The following TMEM192 variants were observed in gnomAD, a reference collection of about 807,000 sequenced individuals.
TMEM192 encodes transmembrane protein 192.
TMEM192 carries 20 observed loss-of-function variants against 26.7 expected under a neutral mutation model. The ratio of observed to expected loss-of-function variants is 0.75; its 90% CI spans 0.53 to 1.09. The LOEUF is 1.09. Ranked by LOEUF, TMEM192 falls within the 50% of genes least tolerant of loss-of-function variation. TMEM192 has a pLI of 0.00. For missense variants in TMEM192, 304 were observed against 322.6 expected, an observed-to-expected ratio of 0.94 and a Z score of 0.44; for synonymous variants, 124 against 121.0, an observed-to-expected ratio of 1.02 and a Z score of -0.16.
chr4:165,079,834 C>T lies in TMEM192; in HGVS notation c.678-38G>A, dbSNP rs766564993. 7 of 1,589,022 alleles carry T rather than the reference C, an allele frequency of 4.4e-6. No homozygotes were observed. In the South Asian group the frequency reaches 7.9e-5, roughly 18 times the overall value. ...AAGATATAAATGGGTTACACATATT[C>T]ACCAATACTCATTAGTGTCTTTGCA... On this transcript the variant is annotated intron_variant, in intron 5 of 5. Transcript: ENST00000306480.
intron 1 of TMEM192, among the ~76,000 whole-genome samples, chr4:165,106,853 G>A (rs575133886): frequency 1.3e-5 from 2 of 152,166 alleles, no homozygotes; most frequent in African/African-American, 4.8e-5. Flanking sequence ...GTGTAATCTT[G>A]TGAGCTAATT....
chr4:165,098,766 C>T (rs925006118), intron 3 of TMEM192, among the ~76,000 whole-genome samples: 9 of 151,830 alleles, frequency 5.9e-5, no homozygotes, highest in Admixed American at 2.6e-4. Flanking sequence ...GGCATGACTT[C>T]GGCTCACTGT....
At chr4:165,097,216 C>G (rs572850665) in intron 3 of TMEM192, among the ~76,000 whole-genome samples, 81 of 152,146 alleles carry the variant, frequency 5.3e-4, no homozygotes, top group African/African-American at 1.8e-3. Flanking sequence ...ACTAACAGGC[C>G]GGGCGCGGTG....
chr4:165,108,138 TTGG>T (rs1259428128), intron 1 of TMEM192, among the ~76,000 whole-genome samples: 6 of 40,018 alleles, frequency 1.5e-4, no homozygotes, highest in Non-Finnish European at 2.5e-4. Flanking sequence ...TTTTTTTTTT[TTGG>T]AGATGTAGTC....
rs565381737 is a variant in TMEM192 at position 165,078,271 on chromosome 4, C to T, written c.*1387G>A. 6.6e-6 allele frequency: 1 copy of T among 152,200 alleles called. No homozygotes were observed. The highest frequency in any genetic ancestry group is 1.9e-4 in the East Asian group (1 of 5,178). 9.4% of individuals were successfully genotyped at this position (152,200 alleles called of 1,614,324 possible). On this transcript the variant is annotated 3_prime_UTR_variant, in exon 6 of 6. Coordinates refer to ENST00000306480, the MANE Select transcript of TMEM192 (RefSeq NM_001100389.2). ...AGCTAATGATCAAAAAAGATTAACA[C>T]AGTCATAAATATCCCCTCCCCTCAT...
chr4:165,087,517 T>C (rs896028912), intron 4 of TMEM192, among the ~76,000 whole-genome samples: 9 of 152,200 alleles, frequency 5.9e-5, no homozygotes, highest in African/African-American at 2.2e-4. Flanking sequence ...CAGGCTGGTA[T>C]TGTTAACTGA....
intron 3 of TMEM192, among the ~76,000 whole-genome samples, chr4:165,098,639 T>A (rs971167033): frequency 6.6e-6 from 1 of 150,954 alleles, no homozygotes; most frequent in African/African-American, 2.4e-5. Context: ...TTTTTTTCTT[T>A]TTCCTTCTTT....
intron 5 of TMEM192, 90 bp from the exon 6 acceptor site, chr4:165,079,886 A>C: frequency 2.3e-6 from 3 of 1,300,724 alleles, no homozygotes; most frequent in Non-Finnish European, 3.1e-6. Flanking sequence ...TTTTTAGTAA[A>C]GCATATTGTA....
chr4:165,085,650 C>G lies in TMEM192; in HGVS notation c.613G>C (p.Asp205His). The G allele has an allele frequency of 6.2e-7, 1 of 1,612,442 alleles. No homozygotes were observed. The highest frequency in any genetic ancestry group is 8.5e-7 in the Non-Finnish European group (1 of 1,179,344). The change falls in exon 5 of 6, where the codon GAT becomes CAT. Residue 205 changes from aspartate (D) to histidine (H), a missense_variant. Physicochemically the swap from Asp to His is moderately conservative, Grantham distance 81. Coordinates refer to ENST00000306480, the MANE Select transcript of TMEM192 (RefSeq NM_001100389.2). The part of the protein sequence containing the change: ...RRFNKAKPEP[D>H]ILEEEKIYAY... ...TAGATTTTTTCTTCTTCAAGTATAT[C>G]AGGCTCTGGTTTAGCTTTATTAAAT... is the stretch of plus-strand genomic sequence containing the variant.
rs1210702772 is a variant in TMEM192 at position 165,078,239 on chromosome 4, A to C, written c.*1419T>G. On this transcript the variant is annotated 3_prime_UTR_variant, in exon 6 of 6. Coordinates refer to ENST00000306480, the MANE Select transcript of TMEM192 (RefSeq NM_001100389.2). Reference sequence around the variant, plus strand: ...CTATATGGTTACATATCAAATATTGAATATTCAGCTAATGATCAAAAAAGA... The same window carrying C: ...CTATATGGTTACATATCAAATATTGCATATTCAGCTAATGATCAAAAAAGA... 1.3e-5 allele frequency: 2 copies of C among 152,190 alleles called. No individual in the cohort carries two copies. Among genetic ancestry groups the C allele is most frequent in the African/African-American group, 4.8e-5 (2 of 41,458 alleles). 9.4% of individuals were successfully genotyped at this position (152,190 alleles called of 1,614,324 possible). A position where few individuals can be genotyped will look rare whatever the true frequency, so the allele number is the denominator to read the frequency against.
At position 165,110,458 on chromosome 4, in the gene TMEM192, G is replaced by A. The variant is rs564283752; in HGVS notation, c.27+2289C>T. Among the ~76,000 whole-genome samples, 6 of 152,280 alleles carry A rather than the reference G, an allele frequency of 3.9e-5. No homozygotes were observed. In the East Asian group the frequency reaches 7.7e-4, roughly 20 times the overall value. The stretch of plus-strand genomic sequence containing the variant: ...CATGAGGCCGGGCACGGTGGCTCAC[G>A]CCTGTAATCCCAACACTTTGGGAGG... On this transcript the variant is annotated intron_variant, in intron 1 of 5. Coordinates refer to ENST00000306480, the MANE Select transcript of TMEM192 (RefSeq NM_001100389.2).
intron 5 of TMEM192, among the ~76,000 whole-genome samples, chr4:165,084,017 T>TA (rs914296284): frequency 6.6e-5 from 10 of 152,106 alleles, no homozygotes; most frequent in Non-Finnish European, 1.3e-4. Context: ...AGATGGGGTT[T>TA]CACCATATTG....
chr4:165,087,900 G>T (rs1381232922), intron 4 of TMEM192, among the ~76,000 whole-genome samples: 1 of 152,116 alleles, frequency 6.6e-6, no homozygotes, highest in African/African-American at 2.4e-5. Context: ...GCAAAAGTTT[G>T]TGGATGTTTT....
chr4:165,097,493 C>CAAAAAAAA (rs60822491), intron 3 of TMEM192, among the ~76,000 whole-genome samples: 2 of 58,958 alleles, frequency 3.4e-5, no homozygotes, highest in African/African-American at 6.0e-5. Context: ...GACTCCATCT[C>CAAAAAAAA]AAAAAAAAAA....
At chr4:165,100,923 T>C in intron 2 of TMEM192, 31 bp from the exon 3 acceptor site, 2 of 1,565,216 alleles carry the variant, frequency 1.3e-6, no homozygotes, top group Non-Finnish European at 8.6e-7. Flanking sequence ...AAGATTAATA[T>C]TCAATATTTG....
chr4:165,097,527 C>T (rs1234442542), intron 3 of TMEM192, among the ~76,000 whole-genome samples: 3 of 144,368 alleles, frequency 2.1e-5, no homozygotes, highest in Non-Finnish European at 3.0e-5. Context: ...AGAAAATGCA[C>T]TAACAGAACA....
At chr4:165,092,906 A>AT (rs1734799688) in intron 3 of TMEM192, among the ~76,000 whole-genome samples, 1 of 151,754 alleles carries the variant, frequency 6.6e-6, no homozygotes, top group African/African-American at 2.4e-5. Context: ...CTTAAAAAAA[A>AT]AATAATAAAA....
At position 165,103,052 on chromosome 4, in the gene TMEM192, C is replaced by A; in HGVS notation, c.72G>T (p.Leu24=). ...ITQSIEDDPL[L]DAQLLPHHSL... is the part of the protein sequence containing the mutation. Reference sequence around the variant, plus strand: ...AGTGGTGTGGGAGAAGCTGGGCATCCAGAAGTGGGTCGTCTTCAATACTCT... The same window carrying A: ...AGTGGTGTGGGAGAAGCTGGGCATCAAGAAGTGGGTCGTCTTCAATACTCT... Residue 24 remains leucine (L), a synonymous_variant, in exon 2 of 6, where the codon CTG becomes CTT. Coordinates refer to ENST00000306480, the MANE Select transcript of TMEM192 (RefSeq NM_001100389.2). 6.2e-7 allele frequency: 1 copy of A among 1,613,328 alleles called. No homozygotes were observed. The highest frequency in any genetic ancestry group is 8.5e-7 in the Non-Finnish European group (1 of 1,179,692).
chr4:165,108,112 CTTTTT>C (rs755013001), intron 1 of TMEM192, among the ~76,000 whole-genome samples: 4 of 91,172 alleles, frequency 4.4e-5, no homozygotes, highest in African/African-American at 2.1e-4. Flanking sequence ...TCTGTATTCC[CTTTTT>C]TTTTTTTTTT....
Sources: allele counts gnomAD v4.1 joint callset (sites outside exome capture counted in the v4.1 genomes callset), GRCh38; gene constraint gnomAD v4.1.1; transcripts MANE v1.5; gene names NCBI Gene and HGNC (gene_info 2026-07-23, HGNC 2026-07-21).